The following ADAM17 variants were observed in gnomAD, a reference collection of about 807,000 sequenced individuals.
The protein encoded by ADAM17 is ADAM metallopeptidase domain 17, also known as disintegrin and metalloproteinase domain-containing protein 17.
Under a neutral mutation model 96.7 loss-of-function variants are expected in ADAM17, and 39 were observed. That is an observed-to-expected ratio of 0.40 (90% confidence interval 0.31 to 0.53). The LOEUF (loss-of-function observed/expected upper bound fraction) is 0.53, where lower values mean the gene tolerates loss of function less well. Among genes scored for constraint, ADAM17 ranks in the 20% least tolerant of loss-of-function variants. The pLI is 0.44. For synonymous variants in ADAM17, 344 were observed against 359.2 expected (o/e 0.96, Z 0.48); for missense variants, 777 against 1,013.2 (o/e 0.77, Z 3.17).
intron 15 of ADAM17, among the ~76,000 whole-genome samples, 157 bp downstream of exon 15, chr2:9,494,480 C>T (rs1245658987): frequency 1.3e-5 from 2 of 152,184 alleles, no homozygotes; most frequent in Non-Finnish European, 2.9e-5. Flanking sequence ...GAAAGCACTC[C>T]GTCTTCTCCT....
chr2:9,553,619 G>A (rs1665651299), intron 1 of ADAM17, among the ~76,000 whole-genome samples: 2 of 149,710 alleles, frequency 1.3e-5, no homozygotes, highest in South Asian at 2.1e-4. Flanking sequence ...AGGTTGTGGT[G>A]AGCTGAGATG....
At position 9,526,301 on chromosome 2, in the gene ADAM17, T is replaced by C. The variant is rs565928386; in HGVS notation, c.620-57A>G. Reference sequence around the variant, plus strand: ...AAATTCACCAAAACAAGGAGTTTTATGGTAACACTTTAAATCTAACATATT... The same window carrying C: ...AAATTCACCAAAACAAGGAGTTTTACGGTAACACTTTAAATCTAACATATT... On this transcript the variant is annotated intron_variant, in intron 5 of 18. Coordinates refer to ENST00000310823, the MANE Select transcript of ADAM17 (RefSeq NM_003183.6). 1.9e-4 allele frequency: 292 copies of C among 1,542,474 alleles called. 2 individuals carry two copies. The Admixed American group carries it at 2.4e-3, about 13-fold the overall frequency.
Position 9,554,646 on chromosome 2 carries a change from T to A in ADAM17, c.97+863A>T, listed in dbSNP as rs959408680. 4.6e-5 allele frequency among the ~76,000 whole-genome samples: 7 copies of A among 152,334 alleles called. No individual in the cohort carries two copies. In the South Asian group the frequency reaches 1.4e-3, roughly 32 times the overall value. On this transcript the variant is annotated intron_variant, in intron 1 of 18. Transcript: ENST00000310823. ...CACTTTATTACTAATTAAAGTATCT[T>A]ACACGTCAATTTTTGAAAGATAAAA...
chr2:9,493,017 GA>G (rs1356128035), intron 16 of ADAM17, 31 bp from the exon 17 acceptor site: 1 of 1,541,126 alleles, frequency 6.5e-7, no homozygotes, highest in Non-Finnish European at 8.9e-7. Context: ...TTAATGTCTT[GA>G]CCAAGTACTT....
rs1021151259 is a variant in ADAM17 at position 9,553,532 on chromosome 2, G to A, written c.97+1977C>T. On this transcript the variant is annotated intron_variant, in intron 1 of 18. Transcript: ENST00000310823. ...CTACTAAAAATACAAAAAATTAGCC[G>A]GACGTGGTGGCACATGCCTGTAATC... Among the ~76,000 whole-genome samples, 7 of 151,942 alleles carry A rather than the reference G, an allele frequency of 4.6e-5. 1 individual carries two copies. The highest frequency in any genetic ancestry group is 1.2e-4 in the African/African-American group (5 of 41,446).
chr2:9,540,834 A>G (rs1396342452), intron 2 of ADAM17, among the ~76,000 whole-genome samples: 4 of 152,250 alleles, frequency 2.6e-5, no homozygotes, highest in Non-Finnish European at 5.9e-5. Context: ...GAAAATCAAA[A>G]CAACTATAAA....
intron 2 of ADAM17, among the ~76,000 whole-genome samples, chr2:9,539,917 A>G (rs1336613297): frequency 6.6e-6 from 1 of 152,236 alleles, no homozygotes; most frequent in Non-Finnish European, 1.5e-5. Context: ...AACCTATTTT[A>G]AAACACCTGG....
chr2:9,531,078 C>A (rs1664719015), intron 4 of ADAM17, among the ~76,000 whole-genome samples: 1 of 152,154 alleles, frequency 6.6e-6, no homozygotes, highest in Non-Finnish European at 1.5e-5. Context: ...CCACCTAGGC[C>A]TCCCGAGCAG....
intron 6 of ADAM17, among the ~76,000 whole-genome samples, chr2:9,524,642 CAAGT>C (rs1414522399): frequency 6.6e-6 from 1 of 152,162 alleles, no homozygotes; most frequent in African/African-American, 2.4e-5. Context: ...TCCCCAGAAA[CAAGT>C]AAGGGGCCGT....
chr2:9,502,740 G>A (rs1257549088), intron 12 of ADAM17, among the ~76,000 whole-genome samples: 10 of 151,382 alleles, frequency 6.6e-5, no homozygotes, highest in African/African-American at 2.2e-4. Flanking sequence ...TTAGCTGGGC[G>A]TGGTGGTGCG....
chr2:9,506,004 A>C (rs1663364438), intron 11 of ADAM17, among the ~76,000 whole-genome samples: 1 of 152,200 alleles, frequency 6.6e-6, no homozygotes, highest in Admixed American at 6.5e-5. Flanking sequence ...CCCACCCTGG[A>C]GTACAGAACC....
Position 9,497,133 on chromosome 2 carries a change from C to T in ADAM17, c.1764G>A (p.Leu588=). ...GCTCACCATTACATGCACAGGACTC[C>T]AGCTGCTGTTCCCTCTCGCAGAAAG... The part of the protein sequence containing the change: ...CIPFCEREQQ[L]ESCACNETDN... The change falls in exon 14 of 19, where the codon CTG becomes CTA. Residue 588 remains leucine (L), a synonymous_variant. Coordinates refer to ENST00000310823, the MANE Select transcript of ADAM17 (RefSeq NM_003183.6). The T allele has an allele frequency of 6.2e-7, 1 of 1,614,106 alleles. No individual in the cohort carries two copies.
chr2:9,550,179 T>C (rs1402623868), intron 1 of ADAM17, among the ~76,000 whole-genome samples: 1 of 152,116 alleles, frequency 6.6e-6, no homozygotes, highest in African/African-American at 2.4e-5. Context: ...GGAGCAGTGC[T>C]CTCTGCTAGG....
At chr2:9,521,353 A>G in intron 7 of ADAM17, 37 bp from the exon 8 acceptor site, 1 of 1,407,014 alleles carries the variant, frequency 7.1e-7, no homozygotes, top group Non-Finnish European at 1.0e-6. Flanking sequence ...GAACACTTCC[A>G]AAATAAGTCA....
At chr2:9,532,047 G>A (rs528989918) in intron 4 of ADAM17, among the ~76,000 whole-genome samples, 41 of 152,202 alleles carry the variant, frequency 2.7e-4, no homozygotes, top group African/African-American at 9.1e-4. Flanking sequence ...GGAGGTCAAG[G>A]CTGCAGTGAG....
chr2:9,491,860 C>T (rs997282818), intron 17 of ADAM17, among the ~76,000 whole-genome samples: 9 of 152,212 alleles, frequency 5.9e-5, no homozygotes, highest in African/African-American at 1.4e-4. Context: ...AATCAAGGGT[C>T]GTGCCTTGTC....
rs1374823089 is a variant in ADAM17, at chr2:9,527,817, T to C, written c.588A>G (p.Pro196=). The C allele has an allele frequency of 1.3e-6, 2 of 1,599,432 alleles. No individual in the cohort carries two copies. Among genetic ancestry groups the C allele is most frequent in the Admixed American group, 1.8e-5 (1 of 56,970 alleles). Residue 196 remains proline, a synonymous_variant, in exon 5 of 19, where the codon CCA becomes CCG. Coordinates refer to ENST00000310823, the MANE Select transcript of ADAM17 (RefSeq NM_003183.6). ...GTGGTTCTCTGTCTACTAACCCTTT[T>C]GGGAGCAACTCTTCATTATCCACTT... ...YLKVDNEELL[P]KGLVDREPPE...
intron 16 of ADAM17, among the ~76,000 whole-genome samples, 184 bp from the exon 17 acceptor site, chr2:9,493,170 G>A (rs1013145587): frequency 6.6e-6 from 1 of 152,196 alleles, no homozygotes; most frequent in African/African-American, 2.4e-5. Flanking sequence ...TGCTTTTAAA[G>A]AAATAGCCCT....
intron 7 of ADAM17, chr2:9,522,303 T>A (rs1664348617): frequency 2.0e-6 from 1 of 488,706 alleles, no homozygotes; most frequent in Non-Finnish European, 3.7e-6. Flanking sequence ...GCATACGACA[T>A]CTCTAGAAAG....
Sources: gnomAD v4.1 joint callset for allele counts (sites outside exome capture counted in the v4.1 genomes callset) on GRCh38, gnomAD v4.1.1 for gene constraint, MANE v1.5 for transcripts, NCBI Gene and HGNC (gene_info 2026-07-23, HGNC 2026-07-21) for gene names.